Variants in BMPR2 observed in about 807,000 individuals in gnomAD.
BMPR2 encodes bone morphogenetic protein receptor type 2.
In BMPR2, 29 loss-of-function variants were observed where a neutral mutation model predicts 100.8. That is an observed-to-expected ratio of 0.29 (90% CI 0.21 to 0.39). The LOEUF is 0.39. Ranked by LOEUF, BMPR2 falls within the 10% of genes least tolerant of loss-of-function variation. The pLI, the probability that BMPR2 is intolerant of heterozygous loss-of-function variation, is 1.00. For synonymous variants in BMPR2, 382 were observed against 442.3 expected, an observed-to-expected ratio of 0.86 and a Z score of 1.71; for missense variants, 1,011 against 1,274.5, an observed-to-expected ratio of 0.79 and a Z score of 3.15.
rs1000208448 is a variant in BMPR2, at chr2:202,445,702, C to T, written c.77-19107C>T. On this transcript the variant is annotated intron_variant, in intron 1 of 12. Coordinates refer to ENST00000374580, the MANE Select transcript of BMPR2 (RefSeq NM_001204.7). ...CTCAAACTCCTGGGCTCAAGTGATC[C>T]TCCCGCCTTGGCCTCCTAAAGTGTT... Among the ~76,000 whole-genome samples, 18 of 150,240 alleles carry T rather than the reference C, an allele frequency of 1.2e-4. 1 individual carries two copies. The highest frequency in any genetic ancestry group is 9.2e-4 in the Admixed American group (14 of 15,192).
intron 1 of BMPR2, among the ~76,000 whole-genome samples, chr2:202,410,231 C>T (rs1251745467): frequency 2.0e-5 from 3 of 151,972 alleles, no homozygotes; most frequent in Non-Finnish European, 2.9e-5. Context: ...GTGATCCGCC[C>T]GCCTCGGCTT....
chr2:202,397,351 C>G (rs1188172118), intron 1 of BMPR2, among the ~76,000 whole-genome samples: 1 of 152,116 alleles, frequency 6.6e-6, no homozygotes, highest in Non-Finnish European at 1.5e-5. Context: ...CAGAAGTTAA[C>G]TATCAATTAA....
chr2:202,419,782 C>G (rs534451999), intron 1 of BMPR2, among the ~76,000 whole-genome samples: 1 of 152,210 alleles, frequency 6.6e-6, no homozygotes, highest in South Asian at 2.1e-4. Flanking sequence ...CTTGTTGATT[C>G]TTTAGCTTTT....
chr2:202,426,639 T>C (rs1691391826), intron 1 of BMPR2, among the ~76,000 whole-genome samples: 1 of 151,556 alleles, frequency 6.6e-6, no homozygotes, highest in Admixed American at 6.6e-5. Flanking sequence ...TCCAGCACTT[T>C]GGGAGGCTGA....
At chr2:202,529,625 G>T (rs12467409) in intron 7 of BMPR2, among the ~76,000 whole-genome samples, 14,904 of 152,198 alleles carry the variant, frequency 0.098, 970 homozygotes, top group South Asian at 0.25. Flanking sequence ...CAGGAAGTGG[G>T]TAAGGGAGGA....
At chr2:202,446,656 A>AT (rs71406978) in intron 1 of BMPR2, among the ~76,000 whole-genome samples, 17,776 of 142,024 alleles carry the variant, frequency 0.13, 1,374 homozygotes, top group Admixed American at 0.14. Context: ...ACTCACATAC[A>AT]TTTTTTTTTT....
At chr2:202,523,161 G>A (rs1337146355) in intron 7 of BMPR2, among the ~76,000 whole-genome samples, 2 of 152,144 alleles carry the variant, frequency 1.3e-5, no homozygotes, top group Non-Finnish European at 2.9e-5. Flanking sequence ...TCAGAGAAAT[G>A]CAAATCAAAA....
intron 1 of BMPR2, among the ~76,000 whole-genome samples, chr2:202,404,261 G>A (rs1273995220): frequency 1.4e-5 from 2 of 147,918 alleles, no homozygotes; most frequent in Non-Finnish European, 3.0e-5. Context: ...GCATGATCTC[G>A]GCTCACTGCA....
rs558448505 is a variant in BMPR2 at position 202,392,853 on chromosome 2, G to A, written c.76+15303G>A. On this transcript the variant is annotated intron_variant, in intron 1 of 12. Transcript: ENST00000374580. ...ACTAAAAATACAAAATTAGCCGGGC[G>A]TGGTGGCACATGCCTGTAATCCCAA... is the stretch of plus-strand genomic sequence containing the variant. Among the ~76,000 whole-genome samples, 141 of 152,168 alleles carry A rather than the reference G, an allele frequency of 9.3e-4. 1 individual carries two copies. Among genetic ancestry groups the A allele is most frequent in the African/African-American group, 3.2e-3 (131 of 41,534 alleles).
chr2:202,559,560 C>A, intron 12 of BMPR2, 136 bp from the exon 13 acceptor site: 1 of 973,012 alleles, frequency 1.0e-6, no homozygotes, highest in Non-Finnish European at 1.6e-6. Context: ...AAAACATTGT[C>A]TGGCATTATG....
chr2:202,519,977 A>G, intron 6 of BMPR2, 110 bp from the exon 7 acceptor site: 1 of 707,114 alleles, frequency 1.4e-6, no homozygotes. Flanking sequence ...TTAGATCTTC[A>G]TGGAATCCTA....
chr2:202,399,483 A>G (rs1306460706), intron 1 of BMPR2, among the ~76,000 whole-genome samples: 2 of 152,236 alleles, frequency 1.3e-5, no homozygotes, highest in Non-Finnish European at 2.9e-5. Context: ...GCAGGAGCCA[A>G]ATCATTTGGG....
At position 202,555,237 on chromosome 2, in the gene BMPR2, T is replaced by C. The variant is rs748355445; in HGVS notation, c.1587-15T>C. On this transcript the variant is annotated splice_polypyrimidine_tract_variant and intron_variant, in intron 11 of 12. Transcript: ENST00000374580. ...ATGTACGTTCTCAATGTGATACTTT[T>C]TTTCTTTCTTTAAGCAACCTGTCAC... is the stretch of plus-strand genomic sequence containing the variant. The C allele has an allele frequency of 3.7e-6, 6 of 1,609,042 alleles. No homozygotes were observed. The Admixed American group carries it at 1.0e-4, about 27-fold the overall frequency.
At chr2:202,424,280 A>G (rs569945489) in intron 1 of BMPR2, among the ~76,000 whole-genome samples, 1 of 151,400 alleles carries the variant, frequency 6.6e-6, no homozygotes, top group South Asian at 2.1e-4. Flanking sequence ...AAGCTGAGGC[A>G]AGAGAATTGC....
chr2:202,377,218 C>T lies in BMPR2; in HGVS notation c.-257C>T. 1.7e-6 allele frequency: 1 copy of T among 604,798 alleles called. No individual in the cohort carries two copies. The highest frequency in any genetic ancestry group is 2.8e-5 in the East Asian group (1 of 36,192). The allele number at this position is 604,798 out of a possible 1,614,324, so 37.5% of individuals were successfully genotyped here. On this transcript the variant is annotated 5_prime_UTR_variant, in exon 1 of 13. Transcript: ENST00000374580. ...CTGCTTTCCCCACAGACATGCCTTCCGTTTGGAGGGCCGCGGCACCCCGTC... is the reference window on the plus strand; with the variant it reads ...CTGCTTTCCCCACAGACATGCCTTCTGTTTGGAGGGCCGCGGCACCCCGTC...
intron 3 of BMPR2, among the ~76,000 whole-genome samples, chr2:202,474,077 C>G (rs1445865563): frequency 6.6e-6 from 1 of 151,998 alleles, no homozygotes; most frequent in Non-Finnish European, 1.5e-5. Context: ...TGCACTCCAG[C>G]CTGGGCGACA....
At chr2:202,405,687 CAAAAAA>C (rs397987374) in intron 1 of BMPR2, among the ~76,000 whole-genome samples, 1 of 62,328 alleles carries the variant, frequency 1.6e-5, no homozygotes, top group Non-Finnish European at 3.1e-5. Flanking sequence ...GACTCCGCCT[CAAAAAA>C]AAAAAAAAAA....
intron 3 of BMPR2, among the ~76,000 whole-genome samples, chr2:202,494,011 T>A (rs927399188): frequency 2.6e-5 from 4 of 152,220 alleles, no homozygotes; most frequent in African/African-American, 9.6e-5. Context: ...CTGCCCCCTC[T>A]CAATTTTTTA....
chr2:202,486,340 T>C (rs990792631), intron 3 of BMPR2, among the ~76,000 whole-genome samples: 1 of 152,124 alleles, frequency 6.6e-6, no homozygotes, highest in African/African-American at 2.4e-5. Context: ...AGCAAAATAA[T>C]GAGACAGGCC....
Sources: gnomAD v4.1 joint callset for allele counts (sites outside exome capture counted in the v4.1 genomes callset) on GRCh38, gnomAD v4.1.1 for gene constraint, MANE v1.5 for transcripts, NCBI Gene and HGNC (gene_info 2026-07-23, HGNC 2026-07-21) for gene names.